Variants in FHIT observed in about 807,000 individuals in gnomAD.
The protein encoded by FHIT is bis(5'-adenosyl)-triphosphatase.
Under a neutral mutation model 17.9 loss-of-function variants are expected in FHIT, and 19 were observed. That is an observed-to-expected ratio of 1.06 (90% CI 0.74 to 1.56). The LOEUF (loss-of-function observed/expected upper bound fraction) is 1.56, where lower values mean the gene tolerates loss of function less well. Ranked by LOEUF, FHIT falls within the 40% of genes most tolerant of loss-of-function variation. The probability of loss-of-function intolerance (pLI) is 0.00; values close to 1 mark genes in which losing one functional copy is unlikely to be tolerated. For missense variants in FHIT, 248 were observed against 189.2 expected, an observed-to-expected ratio of 1.31 and a Z score of -1.82; for synonymous variants, 81 against 69.7, an observed-to-expected ratio of 1.16 and a Z score of -0.81.
intron 8 of FHIT, among the ~76,000 whole-genome samples, chr3:59,841,737 A>G (rs1018746657): frequency 6.6e-6 from 1 of 152,104 alleles, no homozygotes; most frequent in African/African-American, 2.4e-5. Context: ...AACCCAGACA[A>G]TCCTTTAAAA....
chr3:61,065,966 T>C (rs2106718842), intron 2 of FHIT, among the ~76,000 whole-genome samples: 1 of 152,230 alleles, frequency 6.6e-6, no homozygotes, highest in Non-Finnish European at 1.5e-5. Flanking sequence ...AGGTAATTTA[T>C]AAACAACAGA....
chr3:60,330,290 C>T (rs1043114151), intron 5 of FHIT, among the ~76,000 whole-genome samples: 2 of 152,164 alleles, frequency 1.3e-5, no homozygotes, highest in African/African-American at 2.4e-5. Flanking sequence ...CTTCATGGAT[C>T]TCTCTCAAGT....
chr3:60,914,830 GTAGGC>G (rs1706922109), intron 3 of FHIT, among the ~76,000 whole-genome samples: 1 of 152,202 alleles, frequency 6.6e-6, no homozygotes. Flanking sequence ...AAACAGAAAT[GTAGGC>G]ATTGCCAAAT....
chr3:60,937,310 G>C (rs72889201), intron 3 of FHIT, among the ~76,000 whole-genome samples: 4,916 of 152,264 alleles, frequency 0.032, 270 homozygotes, highest in African/African-American at 0.11. Flanking sequence ...TGCCTACTAG[G>C]AGAATATTTT....
intron 3 of FHIT, among the ~76,000 whole-genome samples, chr3:60,930,539 C>T (rs1553771432): frequency 1.3e-5 from 2 of 152,094 alleles, no homozygotes; most frequent in African/African-American, 4.8e-5. Flanking sequence ...ACAACCCCAT[C>T]AAAAAGTGGG....
chr3:59,958,034 A>G (rs1312411450), intron 7 of FHIT, among the ~76,000 whole-genome samples: 1 of 152,222 alleles, frequency 6.6e-6, no homozygotes, highest in African/African-American at 2.4e-5. Context: ...TTTTCCACTG[A>G]AGGTGACCAT....
At chr3:59,769,155 A>G (rs1430255216) in intron 8 of FHIT, among the ~76,000 whole-genome samples, 2 of 152,218 alleles carry the variant, frequency 1.3e-5, no homozygotes, top group South Asian at 4.1e-4. Flanking sequence ...TGTCAATTTC[A>G]TAATTTCGGA....
intron 5 of FHIT, among the ~76,000 whole-genome samples, chr3:60,043,911 T>C (rs985006191): frequency 1.2e-4 from 18 of 152,228 alleles, no homozygotes; most frequent in African/African-American, 4.3e-4. Flanking sequence ...TGACTTTATG[T>C]CTTCAAAATA....
intron 3 of FHIT, among the ~76,000 whole-genome samples, chr3:60,838,001 A>G (rs1702593086): frequency 6.6e-6 from 1 of 152,182 alleles, no homozygotes; most frequent in South Asian, 2.1e-4. Context: ...TTCAAACACA[A>G]TTAGAGCTCT....
At chr3:60,559,831 C>T (rs1056499370) in intron 4 of FHIT, among the ~76,000 whole-genome samples, 2 of 152,202 alleles carry the variant, frequency 1.3e-5, no homozygotes, top group African/African-American at 2.4e-5. Flanking sequence ...GTTTCTCAAA[C>T]TCCCCTTTAA....
At chr3:60,304,599 TA>T in intron 5 of FHIT, among the ~76,000 whole-genome samples, 1 of 152,242 alleles carries the variant, frequency 6.6e-6, no homozygotes, top group African/African-American at 2.4e-5. Flanking sequence ...AGTTTTTAGA[TA>T]AAACATAGGA....
chr3:61,218,608 A>G (rs2039750452), intron 1 of FHIT, among the ~76,000 whole-genome samples: 1 of 152,178 alleles, frequency 6.6e-6, no homozygotes, highest in African/African-American at 2.4e-5. Flanking sequence ...TCTATTTAAG[A>G]TGCAGAGTGA....
rs1032497611 is a variant in FHIT, at chr3:59,837,772, C to T, written c.348+84574G>A. Among the ~76,000 whole-genome samples the T allele has an allele frequency of 5.3e-5, 8 of 152,280 alleles. No individual in the cohort carries two copies. In the South Asian group the frequency reaches 1.0e-3, roughly 20 times the overall value. On this transcript the variant is annotated intron_variant, in intron 8 of 9. Coordinates refer to ENST00000492590, the MANE Select transcript of FHIT (RefSeq NM_002012.4). Reference sequence around the variant, plus strand: ...GCTTGGGTTGGAATACTGCCTCCAGCATCCATTACCTATAGGACTCTGGGC... The same window carrying T: ...GCTTGGGTTGGAATACTGCCTCCAGTATCCATTACCTATAGGACTCTGGGC...
intron 5 of FHIT, among the ~76,000 whole-genome samples, chr3:60,145,252 A>C (rs75073940): frequency 6.6e-4 from 101 of 152,248 alleles, no homozygotes; most frequent in African/African-American, 2.4e-3. Flanking sequence ...TTTTTGTCTA[A>C]ATTTTAGGTA....
chr3:60,448,173 G>A lies in FHIT; in HGVS notation c.103+88687C>T, dbSNP rs572387206. Among the ~76,000 whole-genome samples, 3 of 152,252 alleles carry A rather than the reference G, an allele frequency of 2.0e-5. No homozygotes were observed. The East Asian group carries it at 5.8e-4, about 29-fold the overall frequency. On this transcript the variant is annotated intron_variant, in intron 5 of 9. Transcript: ENST00000492590. ...CAGTGGATCTCTTGAGAGGGCTTTA[G>A]TCTCTTCCTTAACATGCTTTTATCC...
At chr3:60,861,276 C>CATATGATATATCATATCATATATA (rs1703871540) in intron 3 of FHIT, among the ~76,000 whole-genome samples, 1 of 23,738 alleles carries the variant, frequency 4.2e-5, no homozygotes, top group Non-Finnish European at 8.5e-5. Flanking sequence ...TATCATATAT[C>CATATGATATATCATATCATATATA]TTTCTTTTTT....
intron 5 of FHIT, among the ~76,000 whole-genome samples, chr3:60,140,121 G>GAA (rs200829171): frequency 0.013 from 1,908 of 142,970 alleles, 35 homozygotes; most frequent in African/African-American, 0.044. Context: ...ATTCCATCTC[G>GAA]AAAAAAAAAA....
rs73836119 is a variant in FHIT at position 60,776,009 on chromosome 3, C to T, written c.-18+45910G>A. 1.5e-3 allele frequency among the ~76,000 whole-genome samples: 235 copies of T among 152,278 alleles called. 2 individuals are homozygous for T. The highest frequency in any genetic ancestry group is 5.4e-3 in the African/African-American group (226 of 41,550). ...TTCTTTTCTTTCCCCTTCTCTACCCCATCAGCAAGTTAACTTAAATTTTTT... is the reference window on the plus strand; with the variant it reads ...TTCTTTTCTTTCCCCTTCTCTACCCTATCAGCAAGTTAACTTAAATTTTTT... On this transcript the variant is annotated intron_variant, in intron 4 of 9. Transcript: ENST00000492590.
chr3:60,188,323 G>C (rs975524507), intron 5 of FHIT, among the ~76,000 whole-genome samples: 2 of 139,070 alleles, frequency 1.4e-5, no homozygotes, highest in Non-Finnish European at 3.1e-5. Flanking sequence ...CCTCACTTTT[G>C]TACTTGGTAA....
Sources: allele counts gnomAD v4.1 joint callset (sites outside exome capture counted in the v4.1 genomes callset), GRCh38; gene constraint gnomAD v4.1.1; transcripts MANE v1.5; gene names NCBI Gene and HGNC (gene_info 2026-07-23, HGNC 2026-07-21).